Variants in ERC1 observed in about 807,000 individuals in gnomAD.
ERC1 encodes RAB6 interacting protein 2.
ERC1 carries 56 observed loss-of-function variants against 132.0 expected under a neutral mutation model. The observed-to-expected ratio is 0.42, with a 90% confidence interval of 0.34 to 0.53. The LOEUF is 0.53. Ranked by LOEUF, ERC1 falls within the 20% of genes least tolerant of loss-of-function variation. The probability of loss-of-function intolerance (pLI) is 0.03; values close to 1 mark genes in which losing one functional copy is unlikely to be tolerated. For synonymous variants in ERC1, 478 were observed against 476.1 expected (o/e 1.00, Z -0.05); for missense variants, 1,202 against 1,349.9 (o/e 0.89, Z 1.72).
chr12:1,310,365 C>T, intron 15 of ERC1, among the ~76,000 whole-genome samples: 1 of 152,032 alleles, frequency 6.6e-6, no homozygotes, highest in East Asian at 1.9e-4. Flanking sequence ...CGCCAACAGG[C>T]CCATCTAATT....
intron 14 of ERC1, among the ~76,000 whole-genome samples, chr12:1,289,261 A>ATAG (rs2079263070): frequency 6.7e-6 from 1 of 150,318 alleles, no homozygotes; most frequent in Non-Finnish European, 1.5e-5. Context: ...ATATAGGTAT[A>ATAG]TAGGGTTATA....
intron 11 of ERC1, among the ~76,000 whole-genome samples, chr12:1,183,787 G>A (rs1954754810): frequency 7.9e-6 from 1 of 126,976 alleles, no homozygotes; most frequent in Non-Finnish European, 1.5e-5. Context: ...GGTTGAGGTG[G>A]GAGGATTACT....
At chr12:1,303,948 C>T (rs1359825648) in intron 15 of ERC1, among the ~76,000 whole-genome samples, 1 of 101,256 alleles carries the variant, frequency 9.9e-6, no homozygotes, top group African/African-American at 5.2e-5. Context: ...AGCAAAACTC[C>T]ATCTCAGAAA....
intron 12 of ERC1, among the ~76,000 whole-genome samples, chr12:1,206,145 GTAGTATGCAAAAGTTTAAAGT>G (rs1957333758): frequency 6.6e-6 from 1 of 152,062 alleles, no homozygotes; most frequent in African/African-American, 2.4e-5. Flanking sequence ...CATCTTAGCT[GTAGTATGCAAAAGTTTAAAGT>G]CTCTCTTCAT....
At position 1,224,914 on chromosome 12, in the gene ERC1, C is replaced by T. The variant is rs189710302; in HGVS notation, c.2352-11855C>T. Among the ~76,000 whole-genome samples the T allele has an allele frequency of 6.0e-4, 91 of 151,862 alleles. 1 individual carries two copies. Among genetic ancestry groups the T allele is most frequent in the Middle Eastern group, 3.4e-3 (1 of 292 alleles). On this transcript the variant is annotated intron_variant, in intron 12 of 18. Coordinates refer to ENST00000360905, the MANE Select transcript of ERC1 (RefSeq NM_178040.4). ...GCTGACATAGGACGATCATTTGAGC[C>T]TGGGAAATGAGCTATGATTGTGCCA...
intron 15 of ERC1, among the ~76,000 whole-genome samples, chr12:1,341,063 C>CTCTTTTTTTTTTTTTTTTTTTT (rs1566629703): frequency 2.2e-5 from 1 of 45,160 alleles, no homozygotes; most frequent in African/African-American, 7.1e-5. Flanking sequence ...TTATTCTTTT[C>CTCTTTTTTTTTTTTTTTTTTTT]TTTTTCTTTT....
chr12:1,316,299 T>A (rs2081714116), intron 15 of ERC1, among the ~76,000 whole-genome samples: 1 of 152,188 alleles, frequency 6.6e-6, no homozygotes, highest in South Asian at 2.1e-4. Context: ...TAACTACTTG[T>A]CAGGTTGAGA....
At chr12:1,193,153 C>A (rs1370226791) in intron 12 of ERC1, among the ~76,000 whole-genome samples, 1 of 152,062 alleles carries the variant, frequency 6.6e-6, no homozygotes, top group Non-Finnish European at 1.5e-5. Context: ...ATGAAGGATT[C>A]CCAGGCCTGT....
At chr12:1,349,042 T>C (rs1381398815) in intron 15 of ERC1, among the ~76,000 whole-genome samples, 1 of 152,214 alleles carries the variant, frequency 6.6e-6, no homozygotes, top group Non-Finnish European at 1.5e-5. Flanking sequence ...GTGTTCTTAT[T>C]GTAAAGGAAT....
chr12:1,489,945 T>C (rs975051472), intron 18 of ERC1, 148 bp from the exon 19 acceptor site: 7 of 890,426 alleles, frequency 7.9e-6, no homozygotes, highest in Non-Finnish European at 1.2e-5. Context: ...GCATTTGATA[T>C]TTGCTTTTAC....
intron 17 of ERC1, among the ~76,000 whole-genome samples, chr12:1,433,688 T>A (rs946328347): frequency 6.6e-6 from 1 of 152,186 alleles, no homozygotes; most frequent in Non-Finnish European, 1.5e-5. Context: ...GGCGGAGACT[T>A]TACTCCCTTT....
intron 7 of ERC1, among the ~76,000 whole-genome samples, chr12:1,126,986 CA>C (rs71055135): frequency 3.8e-4 from 43 of 114,192 alleles, no homozygotes; most frequent in African/African-American, 1.5e-3. Context: ...GATTCTGTCT[CA>C]AAAAAAAAAA....
rs1217170119 is a variant in ERC1, at chr12:1,494,899, G to C, written c.*4669G>C. ...GGGCAGCCACACTCCCCTCCTCCCA[G>C]GCTGGCATAGGTGGCCCTGGGCTGG... On this transcript the variant is annotated 3_prime_UTR_variant, in exon 19 of 19. Coordinates refer to ENST00000360905, the MANE Select transcript of ERC1 (RefSeq NM_178040.4). 2 of 231,024 alleles carry C rather than the reference G, an allele frequency of 8.7e-6. No individual in the cohort carries two copies. Among genetic ancestry groups the C allele is most frequent in the Non-Finnish European group, 1.7e-5 (2 of 116,734 alleles). The allele number at this position is 231,024 out of a possible 1,614,324, so 14.3% of individuals were successfully genotyped here. A position where few individuals can be genotyped will look rare whatever the true frequency, so the allele number is the denominator to read the frequency against.
chr12:1,323,209 A>G (rs2082230782), intron 15 of ERC1, among the ~76,000 whole-genome samples: 1 of 152,128 alleles, frequency 6.6e-6, no homozygotes, highest in Admixed American at 6.5e-5. Flanking sequence ...TTCTAATTTT[A>G]ATGTCAACGC....
intron 1 of ERC1, among the ~76,000 whole-genome samples, chr12:1,002,594 C>T (rs1962613541): frequency 6.6e-6 from 1 of 152,168 alleles, no homozygotes; most frequent in Middle Eastern, 3.4e-3. Flanking sequence ...TAGATAATTG[C>T]CAAACAGTAT....
At chr12:1,401,135 C>CA (rs374574426) in intron 16 of ERC1, among the ~76,000 whole-genome samples, 1 of 150,168 alleles carries the variant, frequency 6.7e-6, no homozygotes, top group African/African-American at 2.5e-5. Context: ...CGGGGTTTCA[C>CA]GTGTTAGCCA....
intron 18 of ERC1, among the ~76,000 whole-genome samples, chr12:1,475,197 G>C (rs1274896154): frequency 6.6e-6 from 1 of 152,166 alleles, no homozygotes; most frequent in African/African-American, 2.4e-5. Context: ...GTCTACCAAA[G>C]GGCCTGTATC....
chr12:998,210 G>A (rs186134610), intron 1 of ERC1: 36 of 152,256 alleles, frequency 2.4e-4, no homozygotes, highest in Non-Finnish European at 4.3e-4. Flanking sequence ...TATGAAAATA[G>A]CCAATGTCTA....
At chr12:1,029,017 A>T (rs1245028251) in intron 2 of ERC1, among the ~76,000 whole-genome samples, 1 of 152,212 alleles carries the variant, frequency 6.6e-6, no homozygotes, top group Admixed American at 6.5e-5. Flanking sequence ...TGACTATCAC[A>T]GGATAAGTCA....
Sources: gnomAD v4.1 joint callset for allele counts (sites outside exome capture counted in the v4.1 genomes callset) on GRCh38, gnomAD v4.1.1 for gene constraint, MANE v1.5 for transcripts, NCBI Gene and HGNC (gene_info 2026-07-23, HGNC 2026-07-21) for gene names.